The following ADAMTS20 variants were observed in gnomAD, a reference collection of about 807,000 sequenced individuals.
ADAMTS20 encodes ADAM metallopeptidase with thrombospondin type 1 motif 20, also known as A disintegrin and metalloproteinase with thrombospondin motifs 20.
A neutral mutation model predicts 260.1 loss-of-function variants in ADAMTS20; 225 were observed. The ratio of observed to expected loss-of-function variants is 0.87; its 90% CI spans 0.78 to 0.97. The LOEUF (loss-of-function observed/expected upper bound fraction) is 0.97, where lower values mean the gene tolerates loss of function less well. ADAMTS20 is among the 50% of genes least tolerant of loss of function. The pLI, the probability that ADAMTS20 is intolerant of heterozygous loss-of-function variation, is 0.00. For missense variants in ADAMTS20, 2,400 were observed against 2,337.7 expected (o/e 1.03, Z -0.55); for synonymous variants, 802 against 769.5 (o/e 1.04, Z -0.70).
At chr12:43,473,898 A>G (rs1311657810) in intron 7 of ADAMTS20, among the ~76,000 whole-genome samples, 1 of 36,228 alleles carries the variant, frequency 2.8e-5, no homozygotes, top group Non-Finnish European at 5.1e-5. Flanking sequence ...AAGATCCAAA[A>G]TTGACACCCT....
At chr12:43,467,958 T>C (rs1249615215) in intron 8 of ADAMTS20, among the ~76,000 whole-genome samples, 1 of 152,056 alleles carries the variant, frequency 6.6e-6, no homozygotes, top group Non-Finnish European at 1.5e-5. Flanking sequence ...ATTTAGAATC[T>C]TTTTTCAGAG....
At chr12:43,545,265 C>T (rs1486853055) in intron 2 of ADAMTS20, among the ~76,000 whole-genome samples, 1 of 152,202 alleles carries the variant, frequency 6.6e-6, no homozygotes, top group East Asian at 1.9e-4. Context: ...CCTCCTAATA[C>T]ATTGAACAAA....
intron 28 of ADAMTS20, among the ~76,000 whole-genome samples, chr12:43,414,153 C>T (rs1024774272): frequency 1.3e-4 from 20 of 152,062 alleles, no homozygotes; most frequent in African/African-American, 4.8e-4. Context: ...GGAGACTAAT[C>T]TTTCTTCTCT....
intron 18 of ADAMTS20, among the ~76,000 whole-genome samples, chr12:43,434,719 C>A (rs1288421703): frequency 6.6e-6 from 1 of 152,146 alleles, no homozygotes; most frequent in Non-Finnish European, 1.5e-5. Flanking sequence ...TTACTGTCAT[C>A]CATCAGCTAC....
chr12:43,467,131 G>A (rs974748265), intron 8 of ADAMTS20, among the ~76,000 whole-genome samples: 3 of 152,056 alleles, frequency 2.0e-5, no homozygotes, highest in Admixed American at 6.6e-5. Context: ...AGAGAAGTGT[G>A]TGGATAGAGA....
intron 11 of ADAMTS20, 103 bp from the exon 12 acceptor site, chr12:43,454,155 C>T (rs1411325706): frequency 3.2e-6 from 4 of 1,264,096 alleles, no homozygotes; most frequent in Non-Finnish European, 4.3e-6. Context: ...ACAAACTAAA[C>T]AATTTGAAGC....
In ADAMTS20 at chr12:43,427,474, CAAGA is replaced by C. The variant is rs1565692621; in HGVS notation, c.3946-9_3946-6del. 1.9e-6 allele frequency: 3 copies of C among 1,598,500 alleles called. No homozygotes were observed. The highest frequency in any genetic ancestry group is 2.6e-6 in the Non-Finnish European group (3 of 1,174,064). ...TCCAGAACAACTGCTGGAGCACTGA[CAAGA>C]ATAAAACACAAAATATGCACAAACT... On this transcript the variant is annotated splice_polypyrimidine_tract_variant and splice_region_variant and intron_variant, in intron 26 of 38. Transcript: ENST00000389420.
At chr12:43,415,192 T>C (rs1941105946) in intron 28 of ADAMTS20, among the ~76,000 whole-genome samples, 1 of 152,116 alleles carries the variant, frequency 6.6e-6, no homozygotes, top group South Asian at 2.1e-4. Context: ...AGGGTTACCT[T>C]TTGGGAAGAT....
At chr12:43,512,233 TTTA>T (rs1413404978) in intron 3 of ADAMTS20, among the ~76,000 whole-genome samples, 1 of 149,294 alleles carries the variant, frequency 6.7e-6, no homozygotes, top group African/African-American at 2.4e-5. Flanking sequence ...AAGATAATAT[TTTA>T]TTATATATAA....
rs761452143 is a variant in ADAMTS20, at chr12:43,466,660, T to C, written c.1359A>G (p.Glu453=). The change falls in exon 9 of 39, where the codon GAA becomes GAG. Residue 453 remains glutamate, a synonymous_variant. Coordinates refer to ENST00000389420, the MANE Select transcript of ADAMTS20 (RefSeq NM_025003.5). ...AACATAAATTTACTTACTCTAGGAA[T>C]TCAGTAACATATTTCCGACTACAGT... The part of the protein sequence containing the change: ...WSNCSRKYVT[E]FLDTGYGECL... 42 of 1,606,304 alleles carry C rather than the reference T, an allele frequency of 2.6e-5. No homozygotes were observed. In the East Asian group the frequency reaches 9.0e-4, roughly 34 times the overall value.
intron 15 of ADAMTS20, among the ~76,000 whole-genome samples, chr12:43,445,496 GAAGT>G (rs1470195139): frequency 1.3e-5 from 2 of 152,148 alleles, no homozygotes; most frequent in Admixed American, 6.5e-5. Flanking sequence ...TGTTTTAATG[GAAGT>G]AAGTAACAAT....
In ADAMTS20 at chr12:43,502,238, T is replaced by C. The variant is rs761922466; in HGVS notation, c.781A>G (p.Ile261Val). The C allele has an allele frequency of 2.5e-6, 4 of 1,611,536 alleles. No homozygotes were observed. The Admixed American group carries it at 5.1e-5, about 20-fold the overall frequency. The change falls in exon 4 of 39, where the codon ATT (isoleucine) becomes GTT (valine). Residue 261 changes from isoleucine to valine, a missense_variant. Physicochemically the swap from Ile to Val is conservative, Grantham distance 29. Transcript: ENST00000389420. Reference sequence around the variant, plus strand: ...GCATCAGCTGTAACCATAATTTCAATGTATCTTGGATATGATATAAGACGT... The same window carrying C: ...GCATCAGCTGTAACCATAATTTCAACGTATCTTGGATATGATATAAGACGT... ...KKRLISYPRY[I>V]EIMVTADAKV...
intron 3 of ADAMTS20, among the ~76,000 whole-genome samples, chr12:43,521,395 A>G (rs1024997302): frequency 1.3e-5 from 2 of 152,244 alleles, no homozygotes; most frequent in African/African-American, 4.8e-5. Flanking sequence ...ATGTATTCGC[A>G]AAAATATTTT....
At chr12:43,465,793 T>A (rs564745475) in intron 9 of ADAMTS20, among the ~76,000 whole-genome samples, 7 of 152,078 alleles carry the variant, frequency 4.6e-5, no homozygotes, top group African/African-American at 7.2e-5. Flanking sequence ...TGCTTTTAAG[T>A]CAAGCTCCTA....
chr12:43,354,352 T>G, intron 38 of ADAMTS20, 54 bp from the exon 39 acceptor site: 3 of 1,334,304 alleles, frequency 2.2e-6, no homozygotes, highest in Non-Finnish European at 3.1e-6. Flanking sequence ...GGTATCTGTA[T>G]GCAAATAGCA....
chr12:43,410,233 G>A (rs1941006499), intron 28 of ADAMTS20, among the ~76,000 whole-genome samples: 1 of 152,164 alleles, frequency 6.6e-6, no homozygotes, highest in Non-Finnish European at 1.5e-5. Context: ...TGAGAGACTG[G>A]TACAGCAGGG....
chr12:43,403,816 G>C (rs902930500), intron 28 of ADAMTS20, among the ~76,000 whole-genome samples: 3 of 152,046 alleles, frequency 2.0e-5, no homozygotes, highest in African/African-American at 7.2e-5. Context: ...GTGAAGATGA[G>C]ACAGATAGAG....
chr12:43,551,317 T>C lies in ADAMTS20; in HGVS notation c.92-47A>G, dbSNP rs764815540. On this transcript the variant is annotated intron_variant, in intron 1 of 38. Coordinates refer to ENST00000389420, the MANE Select transcript of ADAMTS20 (RefSeq NM_025003.5). This position sits in a 1 kb window ranked among gnomAD's most constrained non-coding sequence, Gnocchi z 4.6. ...CAGTGAGCTCCCACGCGTTCCTCAT[T>C]GTCCAACTCTAAACTTCTTCCACCA... 1.3e-6 allele frequency: 2 copies of C among 1,574,074 alleles called. No individual in the cohort carries two copies. Among genetic ancestry groups the C allele is most frequent in the Non-Finnish European group, 1.7e-6 (2 of 1,158,846 alleles).
intron 28 of ADAMTS20, among the ~76,000 whole-genome samples, chr12:43,406,933 C>T (rs1940930439): frequency 6.6e-6 from 1 of 152,012 alleles, no homozygotes; most frequent in Non-Finnish European, 1.5e-5. Context: ...AATAGTACTG[C>T]TACTGTTCCT....
Sources: allele counts gnomAD v4.1 joint callset (sites outside exome capture counted in the v4.1 genomes callset), GRCh38; gene constraint gnomAD v4.1.1; non-coding constraint Gnocchi (gnomAD v3.1); transcripts MANE v1.5; gene names NCBI Gene and HGNC (gene_info 2026-07-23, HGNC 2026-07-21).